The following UBE3D variants were observed in gnomAD, a reference collection of about 807,000 sequenced individuals.
UBE3D encodes ubiquitin protein ligase E3D, also known as E3 ubiquitin-protein ligase E3D.
In UBE3D, 48 loss-of-function variants were observed where a neutral mutation model predicts 49.6. The observed-to-expected ratio is 0.97, with a 90% CI of 0.77 to 1.23. The LOEUF is 1.23. UBE3D is among the 50% of genes most tolerant of loss of function. UBE3D has a pLI of 0.00. For synonymous variants in UBE3D, 189 were observed against 174.2 expected (o/e 1.08, Z -0.67); for missense variants, 452 against 468.4 (o/e 0.96, Z 0.32).
chr6:82,911,214 A>AC (rs1554183166), intron 9 of UBE3D, among the ~76,000 whole-genome samples: 1 of 148,542 alleles, frequency 6.7e-6, no homozygotes, highest in African/African-American at 2.5e-5. Context: ...AAAAAAAAAA[A>AC]AAAAAAAAAC....
chr6:82,917,353 C>G (rs1366196283), intron 9 of UBE3D, among the ~76,000 whole-genome samples: 2 of 152,062 alleles, frequency 1.3e-5, no homozygotes, highest in Non-Finnish European at 2.9e-5. Context: ...CCAGAGACCA[C>G]CCAAAACATG....
Position 83,022,562 on chromosome 6 carries a change from C to T in UBE3D, c.738-1G>A. On this transcript the variant is annotated splice_acceptor_variant, in intron 6 of 9. Transcript: ENST00000369747. LOFTEE classifies it high-confidence loss of function. ...GATCACGCTCTGGACAAACCAAGACCTGTTTGAACAGAAATCAATTTTTAC... is the reference window on the plus strand; with the variant it reads ...GATCACGCTCTGGACAAACCAAGACTTGTTTGAACAGAAATCAATTTTTAC... 1.9e-6 allele frequency: 3 copies of T among 1,563,552 alleles called. No homozygotes were observed. The highest frequency in any genetic ancestry group is 2.6e-6 in the Non-Finnish European group (3 of 1,161,300).
chr6:82,989,298 C>T (rs983784245), intron 8 of UBE3D, among the ~76,000 whole-genome samples: 3 of 151,964 alleles, frequency 2.0e-5, no homozygotes, highest in African/African-American at 7.3e-5. Context: ...CTTCCTTAGA[C>T]CAGGAGAGAA....
At chr6:83,045,495 A>G (rs1000704435) in intron 3 of UBE3D, among the ~76,000 whole-genome samples, 3 of 151,606 alleles carry the variant, frequency 2.0e-5, no homozygotes, top group African/African-American at 7.3e-5. Context: ...AATTTGTAAA[A>G]ATGTGTTCTA....
intron 9 of UBE3D, among the ~76,000 whole-genome samples, chr6:82,893,701 G>A (rs1221285256): frequency 1.3e-5 from 2 of 152,290 alleles, no homozygotes; most frequent in East Asian, 3.9e-4. Flanking sequence ...GAGGAAGAGA[G>A]TCAAGTATAG....
chr6:83,034,564 T>C (rs1259025906), intron 5 of UBE3D, among the ~76,000 whole-genome samples: 2 of 152,130 alleles, frequency 1.3e-5, no homozygotes, highest in Non-Finnish European at 2.9e-5. Context: ...GATTGGATCA[T>C]GGGGGTGGTC....
intron 9 of UBE3D, among the ~76,000 whole-genome samples, chr6:82,900,186 C>T (rs1771628446): frequency 6.6e-6 from 1 of 152,180 alleles, no homozygotes; most frequent in African/African-American, 2.4e-5. Flanking sequence ...TGCCTCTGAC[C>T]AAACAAGTTT....
At chr6:83,023,938 C>G (rs1255692937) in intron 6 of UBE3D, 31 bp downstream of exon 6, 4 of 1,387,004 alleles carry the variant, frequency 2.9e-6, no homozygotes, top group Non-Finnish European at 3.9e-6. Context: ...AAATAAATTA[C>G]AAATAAATAA....
intron 5 of UBE3D, among the ~76,000 whole-genome samples, chr6:83,031,677 G>A (rs1393231071): frequency 2.0e-5 from 3 of 152,198 alleles, no homozygotes; most frequent in African/African-American, 7.2e-5. Flanking sequence ...AAATCACTAA[G>A]ACAATGAGGA....
chr6:82,982,636 T>C (rs62419172), intron 8 of UBE3D, among the ~76,000 whole-genome samples: 1 of 152,072 alleles, frequency 6.6e-6, no homozygotes, highest in South Asian at 2.1e-4. Context: ...TCGGGTTTGC[T>C]GTTTTGAAGA....
At chr6:82,963,555 G>A (rs543510345) in intron 8 of UBE3D, among the ~76,000 whole-genome samples, 6 of 152,298 alleles carry the variant, frequency 3.9e-5, no homozygotes, top group African/African-American at 1.4e-4. Flanking sequence ...TTCAATGTTC[G>A]AGAACAGGAA....
chr6:82,952,090 G>A (rs1693194746), intron 9 of UBE3D, among the ~76,000 whole-genome samples: 1 of 152,122 alleles, frequency 6.6e-6, no homozygotes, highest in South Asian at 2.1e-4. Context: ...GCACATGCAA[G>A]GGGCTGACAA....
At chr6:83,054,482 ATT>A (rs1392793740) in intron 2 of UBE3D, among the ~76,000 whole-genome samples, 1 of 152,130 alleles carries the variant, frequency 6.6e-6, no homozygotes, top group Non-Finnish European at 1.5e-5. Context: ...CGCATGTAGC[ATT>A]TGTTAGTTCT....
chr6:82,987,617 A>C (rs1257023888), intron 8 of UBE3D, among the ~76,000 whole-genome samples: 1 of 152,214 alleles, frequency 6.6e-6, no homozygotes, highest in Non-Finnish European at 1.5e-5. Flanking sequence ...GGGAATGCTT[A>C]TGATGCTAGT....
intron 9 of UBE3D, among the ~76,000 whole-genome samples, chr6:82,912,447 T>TC (rs1180498126): frequency 6.7e-6 from 1 of 149,006 alleles, no homozygotes; most frequent in African/African-American, 2.5e-5. Flanking sequence ...ATTTTTGGAT[T>TC]TTTTTTTTTA....
intron 4 of UBE3D, among the ~76,000 whole-genome samples, chr6:83,044,056 T>C (rs1270994339): frequency 6.6e-6 from 1 of 152,180 alleles, no homozygotes; most frequent in African/African-American, 2.4e-5. Flanking sequence ...CCTAATAGTA[T>C]AGTAGATATC....
At chr6:83,054,931 G>A (rs568803447) in intron 2 of UBE3D, among the ~76,000 whole-genome samples, 1 of 152,276 alleles carries the variant, frequency 6.6e-6, no homozygotes, top group East Asian at 1.9e-4. Context: ...TTACAGGCGT[G>A]AGCCACCGTG....
At chr6:82,974,572 C>G (rs1391197503) in intron 8 of UBE3D, among the ~76,000 whole-genome samples, 1 of 150,772 alleles carries the variant, frequency 6.6e-6, no homozygotes, top group African/African-American at 2.4e-5. Flanking sequence ...TTTTTTAACC[C>G]CTGAATATTT....
intron 9 of UBE3D, among the ~76,000 whole-genome samples, chr6:82,942,527 G>A (rs1312638785): frequency 6.6e-6 from 1 of 152,176 alleles, no homozygotes; most frequent in Non-Finnish European, 1.5e-5. Context: ...AGAGTGCTAG[G>A]AGGAAAAAAT....
Sources: allele counts gnomAD v4.1 joint callset (sites outside exome capture counted in the v4.1 genomes callset), GRCh38; gene constraint gnomAD v4.1.1; transcripts MANE v1.5; gene names NCBI Gene and HGNC (gene_info 2026-07-23, HGNC 2026-07-21).